Variants in SCRG1 observed in about 807,000 individuals in gnomAD.
SCRG1 encodes scrapie-responsive protein 1.
Under a neutral mutation model 7.7 loss-of-function variants are expected in SCRG1, and 3 were observed. That is an observed-to-expected ratio of 0.39 (90% CI 0.18 to 1.01). The LOEUF is 1.01. Ranked by LOEUF, SCRG1 falls within the 50% of genes least tolerant of loss-of-function variation. The pLI, the probability that SCRG1 is intolerant of heterozygous loss-of-function variation, is 0.36. For synonymous variants in SCRG1, 46 were observed against 41.2 expected (o/e 1.12, Z -0.44); for missense variants, 110 against 117.2 (o/e 0.94, Z 0.28).
the SCRG1 span, among the ~76,000 whole-genome samples, chr4:173,505,772 G>T: frequency 6.6e-6 from 1 of 152,324 alleles, no homozygotes; most frequent in African/African-American, 2.4e-5. This position sits in a 1 kb window ranked among gnomAD's most constrained non-coding sequence, Gnocchi z 4.4. Context: ...TGAAGCAACG[G>T]CTGGGAGGTG....
the SCRG1 span, among the ~76,000 whole-genome samples, chr4:173,509,269 C>G: frequency 3.3e-5 from 5 of 152,162 alleles, no homozygotes; most frequent in African/African-American, 1.2e-4. The surrounding 1 kb of genome is among the most constrained non-coding windows in gnomAD (Gnocchi z 5.7). Flanking sequence ...GAAGCTAAAT[C>G]TCACTCGCGG....
chr4:173,391,488 T>C (rs1739444657), intron 1 of SCRG1, 60 bp from the exon 2 acceptor site: 4 of 1,546,274 alleles, frequency 2.6e-6, no homozygotes, highest in Non-Finnish European at 3.5e-6. Flanking sequence ...AGAATTCATC[T>C]GAATGAAGTT....
upstream of SCRG1, among the ~76,000 whole-genome samples, chr4:173,402,332 AT>A (rs1450955005): frequency 6.6e-6 from 1 of 152,192 alleles, no homozygotes; most frequent in Non-Finnish European, 1.5e-5. Flanking sequence ...GAAATAGAAA[AT>A]CCTCACAAAT....
At chr4:173,466,844 G>A in the SCRG1 span, among the ~76,000 whole-genome samples, 5 of 152,014 alleles carry the variant, frequency 3.3e-5, no homozygotes, top group Non-Finnish European at 5.9e-5. Flanking sequence ...TTTGTAATAC[G>A]GAAATGTTAT....
At chr4:173,451,168 A>G in the SCRG1 span, among the ~76,000 whole-genome samples, 113 of 151,786 alleles carry the variant, frequency 7.4e-4, no homozygotes, top group South Asian at 1.5e-3. Flanking sequence ...GATCCAGTGT[A>G]TATATCAACA....
chr4:173,471,932 C>T, the SCRG1 span, among the ~76,000 whole-genome samples: 2 of 152,182 alleles, frequency 1.3e-5, no homozygotes, highest in East Asian at 1.9e-4. Flanking sequence ...TGGTCTCGAG[C>T]TCCTGACCTC....
chr4:173,392,672 G>A (rs1000515391), intron 1 of SCRG1, among the ~76,000 whole-genome samples: 1 of 152,224 alleles, frequency 6.6e-6, no homozygotes, highest in Admixed American at 6.5e-5. Flanking sequence ...TAGCAAAATA[G>A]TGGAGGAACC....
At chr4:173,406,891 T>C (rs1383434068), upstream of SCRG1, among the ~76,000 whole-genome samples, 1 of 152,212 alleles carries the variant, frequency 6.6e-6, no homozygotes, top group African/African-American at 2.4e-5. Flanking sequence ...ACATCTTGGT[T>C]GCGTACAGTT....
the SCRG1 span, among the ~76,000 whole-genome samples, chr4:173,473,008 T>C: frequency 6.6e-6 from 1 of 152,258 alleles, no homozygotes; most frequent in Non-Finnish European, 1.5e-5. Flanking sequence ...TTTAAAGACA[T>C]GCTTAGCCAA....
the SCRG1 span, chr4:173,469,423 C>A: frequency 1.4e-3 from 212 of 151,652 alleles, no homozygotes; most frequent in African/African-American, 4.9e-3. Flanking sequence ...ACAAATTATC[C>A]CTCAACAATC....
the SCRG1 span, among the ~76,000 whole-genome samples, chr4:173,472,098 C>T: frequency 1.3e-5 from 2 of 152,136 alleles, no homozygotes; most frequent in East Asian, 1.9e-4. Flanking sequence ...AATTGAGGCA[C>T]AAATCTTTTA....
chr4:173,424,212 C>T, the SCRG1 span, among the ~76,000 whole-genome samples: 2 of 152,162 alleles, frequency 1.3e-5, no homozygotes, highest in Admixed American at 1.3e-4. Flanking sequence ...ACTTCAGATA[C>T]ATAAGGACAA....
the SCRG1 span, among the ~76,000 whole-genome samples, chr4:173,477,883 C>A: frequency 2.6e-5 from 4 of 152,006 alleles, no homozygotes; most frequent in African/African-American, 7.2e-5. Flanking sequence ...ATAGTCCCCC[C>A]ACAGCCTCCT....
the SCRG1 span, among the ~76,000 whole-genome samples, chr4:173,428,317 A>AAACAGC: frequency 7.9e-5 from 12 of 152,212 alleles, no homozygotes; most frequent in Admixed American, 7.9e-4. Flanking sequence ...ATTATTCAAC[A>AAACAGC]AACAGCATTG....
At chr4:173,431,547 T>A in the SCRG1 span, among the ~76,000 whole-genome samples, 4 of 152,218 alleles carry the variant, frequency 2.6e-5, no homozygotes, top group Non-Finnish European at 5.9e-5. Context: ...GGGGCAATAG[T>A]CAGAGGTATT....
At chr4:173,476,379 T>TATATATATATATATATATAA in the SCRG1 span, among the ~76,000 whole-genome samples, 2 of 137,254 alleles carry the variant, frequency 1.5e-5, no homozygotes, top group East Asian at 2.2e-4. Context: ...TATATATATA[T>TATATATATATATATATATAA]AATGAATTGA....
At chr4:173,511,410 C>T in the SCRG1 span, among the ~76,000 whole-genome samples, 1 of 152,126 alleles carries the variant, frequency 6.6e-6, no homozygotes, top group Non-Finnish European at 1.5e-5. This position sits in a 1 kb window ranked among gnomAD's most constrained non-coding sequence, Gnocchi z 5.2. Flanking sequence ...CCTGGCCTGG[C>T]CCTCTATACC....
At chr4:173,482,054 G>C in the SCRG1 span, among the ~76,000 whole-genome samples, 8 of 151,958 alleles carry the variant, frequency 5.3e-5, no homozygotes, top group Admixed American at 2.0e-4. Context: ...GTATACATTT[G>C]ACTTACATTA....
At chr4:173,484,560 T>C in the SCRG1 span, among the ~76,000 whole-genome samples, 6 of 89,166 alleles carry the variant, frequency 6.7e-5, no homozygotes, top group African/African-American at 1.9e-4. Context: ...ATATGTTATA[T>C]ATTATGTATA....
Sources: allele counts gnomAD v4.1 joint callset (sites outside exome capture counted in the v4.1 genomes callset), GRCh38; gene constraint gnomAD v4.1.1; non-coding constraint Gnocchi (gnomAD v3.1); transcripts MANE v1.5; gene names NCBI Gene and HGNC (gene_info 2026-07-23, HGNC 2026-07-21).